The following MYO5C variants were observed in gnomAD, a reference collection of about 807,000 sequenced individuals.
MYO5C encodes the protein myosin VC, also known as unconventional myosin-Vc.
A neutral mutation model predicts 235.7 loss-of-function variants in MYO5C; 194 were observed. That is an observed-to-expected ratio of 0.82 (90% CI 0.73 to 0.93). MYO5C has a LOEUF of 0.93. Ranked by LOEUF, MYO5C falls within the 40% of genes least tolerant of loss-of-function variation. MYO5C has a pLI of 0.00. For synonymous variants in MYO5C, 707 were observed against 754.8 expected (o/e 0.94, Z 1.04); for missense variants, 2,038 against 2,127.2 (o/e 0.96, Z 0.82).
intron 24 of MYO5C, among the ~76,000 whole-genome samples, chr15:52,230,365 A>G (rs907995690): frequency 3.9e-5 from 6 of 152,114 alleles, no homozygotes; most frequent in African/African-American, 1.4e-4. Flanking sequence ...TCTGAGAAAG[A>G]GAGCCACATT....
intron 23 of MYO5C, 71 bp from the exon 24 acceptor site, chr15:52,232,756 A>G: frequency 7.6e-7 from 1 of 1,310,942 alleles, no homozygotes; most frequent in Non-Finnish European, 1.1e-6. Context: ...GTTATGTTTA[A>G]GAAAGTGAGA....
At chr15:52,280,462 C>T (rs569170285) in intron 2 of MYO5C, among the ~76,000 whole-genome samples, 2 of 152,232 alleles carry the variant, frequency 1.3e-5, no homozygotes, top group African/African-American at 2.4e-5. Context: ...GATGACTGGG[C>T]CTTTCCAATG....
At position 52,278,918 on chromosome 15, in the gene MYO5C, G is replaced by A. The variant is rs752643755; in HGVS notation, c.404C>T (p.Pro135Leu). The change falls in exon 4 of 41, where the codon CCA becomes CTA. Residue 135 changes from proline (P) to leucine (L), a missense_variant. Transcript: ENST00000261839. ...YSGQNMGDMD[P>L]HIFAVAEEAY... ...CTCTTCTGCCACGGCAAATATGTGT[G>A]GGTCCATATCGCCCATGTTCTGCCC... 2 of 1,614,154 alleles carry A rather than the reference G, an allele frequency of 1.2e-6. No homozygotes were observed. The highest frequency in any genetic ancestry group is 1.7e-6 in the Non-Finnish European group (2 of 1,180,022).
intron 38 of MYO5C, among the ~76,000 whole-genome samples, chr15:52,198,742 T>C (rs1374809911): frequency 1.3e-5 from 2 of 151,518 alleles, no homozygotes; most frequent in Admixed American, 1.3e-4. Flanking sequence ...CCACCACGCC[T>C]GGCTAATTTT....
intron 5 of MYO5C, among the ~76,000 whole-genome samples, chr15:52,275,327 G>A (rs896526130): frequency 4.6e-5 from 7 of 152,200 alleles, no homozygotes; most frequent in African/African-American, 1.2e-4. Flanking sequence ...GAGGACTCCT[G>A]GAGTCTGATG....
At position 52,272,635 on chromosome 15, in the gene MYO5C, A is replaced by G. The variant is rs888364551; in HGVS notation, c.695T>C (p.Ile232Thr). The change falls in exon 6 of 41, where the codon ATT (isoleucine) becomes ACT (threonine). Residue 232 changes from isoleucine (I) to threonine (T), a missense_variant. Ile to Thr is a moderately conservative substitution (Grantham distance 89). Transcript: ENST00000261839. ...TEISFDEQNQIIGANMSTYLL... is the reference protein window; with the variant it reads ...TEISFDEQNQTIGANMSTYLL... The stretch of plus-strand genomic sequence containing the variant: ...GTAAGTGCTCATGTTGGCTCCTATA[A>G]TTTGATTTTGTTCATCAAAACTGAT... 5.6e-6 allele frequency: 9 copies of G among 1,614,000 alleles called. No individual in the cohort carries two copies. In the African/African-American group the frequency reaches 1.1e-4, roughly 19 times the overall value.
In MYO5C at chr15:52,275,426, G is replaced by T. The variant is rs532536683; in HGVS notation, c.606+136C>A. On this transcript the variant is annotated intron_variant, in intron 5 of 40. Coordinates refer to ENST00000261839, the MANE Select transcript of MYO5C (RefSeq NM_018728.4). Reference sequence around the variant, plus strand: ...CTCCTTCAAATCCCACCAGCAAATAGGCTTCCCGGGTCTTTCCTGCCCTCA... The same window carrying T: ...CTCCTTCAAATCCCACCAGCAAATATGCTTCCCGGGTCTTTCCTGCCCTCA... 4.0e-5 allele frequency: 41 copies of T among 1,037,280 alleles called. No individual in the cohort carries two copies. The South Asian group carries it at 5.5e-4, about 14-fold the overall frequency. 64.3% of individuals were successfully genotyped at this position (1,037,280 alleles called of 1,614,324 possible).
Position 52,235,677 on chromosome 15 carries a change from C to T in MYO5C, c.2955G>A (p.Glu985=), listed in dbSNP as rs1366798683. The T allele has an allele frequency of 1.9e-6, 3 of 1,609,434 alleles. No homozygotes were observed. The highest frequency in any genetic ancestry group is 2.5e-6 in the Non-Finnish European group (3 of 1,177,412). The change falls in exon 23 of 41, where the codon GAG becomes GAA. Residue 985 remains glutamate (E), a synonymous_variant. Coordinates refer to ENST00000261839, the MANE Select transcript of MYO5C (RefSeq NM_018728.4). ...GTGCCCCCCAAGCTTTACCTTTTAA[C>T]TCTTCAGTCTTCTCTTGAAGCTTCA... ...IQLKLQEKTE[E]LKEKMDNLTK...
intron 2 of MYO5C, 30 bp downstream of exon 2, chr15:52,282,752 G>A (rs764424212): frequency 2.8e-5 from 41 of 1,458,904 alleles, no homozygotes; most frequent in South Asian, 2.2e-4. Context: ...TTTACACATC[G>A]ACGTAGCTGT....
chr15:52,194,995 G>C (rs960382977), intron 40 of MYO5C, among the ~76,000 whole-genome samples: 1 of 152,034 alleles, frequency 6.6e-6, no homozygotes, highest in Non-Finnish European at 1.5e-5. Context: ...TGCTGCCCTA[G>C]AGTTCCTTAG....
chr15:52,285,867 T>G (rs2037254237), intron 1 of MYO5C, among the ~76,000 whole-genome samples: 1 of 152,172 alleles, frequency 6.6e-6, no homozygotes, highest in South Asian at 2.1e-4. Flanking sequence ...AGTGCCGAGA[T>G]TGCAGCCTCT....
intron 40 of MYO5C, among the ~76,000 whole-genome samples, chr15:52,194,552 C>T (rs889614815): frequency 6.6e-5 from 10 of 151,908 alleles, no homozygotes; most frequent in African/African-American, 2.2e-4. Context: ...ATGTGTATAT[C>T]GGTATTTGCC....
intron 29 of MYO5C, among the ~76,000 whole-genome samples, chr15:52,221,725 T>C (rs2035692030): frequency 6.6e-6 from 1 of 152,204 alleles, no homozygotes; most frequent in Non-Finnish European, 1.5e-5. Context: ...TCCCTATCTG[T>C]ATATTTCTTT....
intron 38 of MYO5C, among the ~76,000 whole-genome samples, chr15:52,199,851 A>G (rs8024846): frequency 0.049 from 7,478 of 152,246 alleles, 231 homozygotes; most frequent in African/African-American, 0.086. Context: ...AGATAGAGAC[A>G]TCTGCAGTAA....
intron 9 of MYO5C, among the ~76,000 whole-genome samples, chr15:52,263,209 T>C (rs1796504369): frequency 6.6e-6 from 1 of 152,216 alleles, no homozygotes; most frequent in African/African-American, 2.4e-5. Flanking sequence ...ATGTTATTGT[T>C]AATGCAAAGC....
intron 38 of MYO5C, among the ~76,000 whole-genome samples, chr15:52,204,278 G>C (rs2035251025): frequency 6.6e-6 from 1 of 151,704 alleles, no homozygotes; most frequent in Non-Finnish European, 1.5e-5. Flanking sequence ...CATGCAGCCT[G>C]AGCAGAGGTC....
chr15:52,291,101 G>A (rs2037379106), intron 1 of MYO5C, among the ~76,000 whole-genome samples: 1 of 152,152 alleles, frequency 6.6e-6, no homozygotes, highest in Non-Finnish European at 1.5e-5. Flanking sequence ...CCCACCAGGG[G>A]CAGAGCATGT....
chr15:52,200,997 C>T (rs1271429466), intron 38 of MYO5C, among the ~76,000 whole-genome samples: 1 of 152,038 alleles, frequency 6.6e-6, no homozygotes, highest in Non-Finnish European at 1.5e-5. Context: ...CTGAACAGCA[C>T]AGAAGAAAAG....
At chr15:52,276,545 TGAG>T (rs1235788272) in intron 4 of MYO5C, among the ~76,000 whole-genome samples, 1 of 152,026 alleles carries the variant, frequency 6.6e-6, no homozygotes, top group East Asian at 1.9e-4. Flanking sequence ...ACAAACAGCT[TGAG>T]TTTAGGTAAA....
Sources: allele counts gnomAD v4.1 joint callset (sites outside exome capture counted in the v4.1 genomes callset), GRCh38; gene constraint gnomAD v4.1.1; transcripts MANE v1.5; gene names NCBI Gene and HGNC (gene_info 2026-07-23, HGNC 2026-07-21).